Variants in PIP5K1B observed in about 807,000 individuals in gnomAD.
PIP5K1B encodes phosphatidylinositol 4-phosphate 5-kinase type-1 beta.
In PIP5K1B, 42 loss-of-function variants were observed where a neutral mutation model predicts 67.0. The ratio of observed to expected loss-of-function variants is 0.63; its 90% CI spans 0.49 to 0.81. PIP5K1B has a LOEUF of 0.81. Ranked by LOEUF, PIP5K1B falls within the 30% of genes least tolerant of loss-of-function variation. The probability of loss-of-function intolerance (pLI) is 0.00; values close to 1 mark genes in which losing one functional copy is unlikely to be tolerated. For missense variants in PIP5K1B, 459 were observed against 646.3 expected (o/e 0.71, Z 3.14); for synonymous variants, 214 against 231.4 (o/e 0.92, Z 0.68).
chr9:68,778,525 A>G (rs976339049), intron 2 of PIP5K1B, among the ~76,000 whole-genome samples: 1 of 152,126 alleles, frequency 6.6e-6, no homozygotes, highest in Admixed American at 6.5e-5. Context: ...TGCAAATCCT[A>G]TTTGTTCTAA....
intron 2 of PIP5K1B, among the ~76,000 whole-genome samples, chr9:68,812,851 TTCTTG>T (rs1433060064): frequency 6.6e-6 from 1 of 152,248 alleles, no homozygotes; most frequent in African/African-American, 2.4e-5. Flanking sequence ...ACGTATTTAC[TTCTTG>T]TCAGTTTCTC....
intron 2 of PIP5K1B, among the ~76,000 whole-genome samples, chr9:68,811,925 C>T (rs551394163): frequency 1.3e-5 from 2 of 152,196 alleles, no homozygotes; most frequent in African/African-American, 2.4e-5. Flanking sequence ...AGGTCTACCA[C>T]GCAGAGGTAG....
intron 2 of PIP5K1B, among the ~76,000 whole-genome samples, chr9:68,809,501 G>A (rs1216850243): frequency 6.6e-6 from 1 of 152,030 alleles, no homozygotes; most frequent in Non-Finnish European, 1.5e-5. Flanking sequence ...AATTTAAGAG[G>A]GACTTACGAT....
intron 1 of PIP5K1B, among the ~76,000 whole-genome samples, chr9:68,710,357 C>A (rs1827327033): frequency 1.3e-5 from 2 of 152,192 alleles, no homozygotes; most frequent in African/African-American, 2.4e-5. Flanking sequence ...TGGGAGGAAA[C>A]CTAGGCTTCT....
At chr9:68,724,444 T>C (rs1828056078) in intron 1 of PIP5K1B, among the ~76,000 whole-genome samples, 2 of 152,170 alleles carry the variant, frequency 1.3e-5, no homozygotes, top group South Asian at 4.1e-4. Flanking sequence ...ATTGCTATTT[T>C]GGTAGAGATT....
At chr9:68,862,796 A>T (rs1823159022) in intron 4 of PIP5K1B, among the ~76,000 whole-genome samples, 1 of 134,444 alleles carries the variant, frequency 7.4e-6, no homozygotes, top group Non-Finnish European at 1.6e-5. Flanking sequence ...TGTCTCAAAA[A>T]AAAATAAAAA....
intron 2 of PIP5K1B, among the ~76,000 whole-genome samples, chr9:68,745,138 T>C (rs901521525): frequency 6.6e-6 from 1 of 152,198 alleles, no homozygotes. Flanking sequence ...AAGGTCACAG[T>C]GCCTTCCACA....
chr9:69,007,867 A>AAT lies in PIP5K1B; in HGVS notation c.1621-579_1621-578insTA, dbSNP rs548247114. On this transcript the variant is annotated intron_variant, in intron 15 of 15. Transcript: ENST00000265382. ...GTGAGACTCCATCTAAAAAAAAAAA[A>AAT]AATAGGAAATCAGATGATTTGACCC... Among the ~76,000 whole-genome samples, 39 of 152,222 alleles carry AAT rather than the reference A, an allele frequency of 2.6e-4. No homozygotes were observed. The South Asian group carries it at 7.9e-3, about 31-fold the overall frequency.
rs547088873 is a variant in PIP5K1B, at chr9:68,740,884, T to A, written c.-242-1617T>A. Reference sequence around the variant, plus strand: ...GCTAGTTATCCCCGAGTTGGAAGACTTCAGGCTCAGAAGCCACTTGGTGTG... The same window carrying A: ...GCTAGTTATCCCCGAGTTGGAAGACATCAGGCTCAGAAGCCACTTGGTGTG... On this transcript the variant is annotated intron_variant, in intron 1 of 15. Coordinates refer to ENST00000265382, the MANE Select transcript of PIP5K1B (RefSeq NM_003558.4). 3.3e-5 allele frequency among the ~76,000 whole-genome samples: 5 copies of A among 152,332 alleles called. No homozygotes were observed. In the South Asian group the frequency reaches 1.0e-3, roughly 32 times the overall value.
chr9:68,780,082 G>GTATCATTAAAAAA, intron 2 of PIP5K1B: 1 of 1,334,336 alleles, frequency 7.5e-7, no homozygotes, highest in Admixed American at 3.3e-5. Context: ...CGGTGGCGGC[G>GTATCATTAAAAAA]GCAGCGGCGG....
chr9:68,726,518 G>A (rs934465518), intron 1 of PIP5K1B, among the ~76,000 whole-genome samples: 8 of 152,302 alleles, frequency 5.3e-5, no homozygotes, highest in South Asian at 4.1e-4. Context: ...TACAGGTGCC[G>A]TTTCTCAGTT....
At chr9:68,925,794 A>AGTTTTTTTTT (rs1564240114) in intron 12 of PIP5K1B, among the ~76,000 whole-genome samples, 5 of 12,012 alleles carry the variant, frequency 4.2e-4, no homozygotes, top group South Asian at 7.9e-3. Context: ...TTGTGGTTCC[A>AGTTTTTTTTT]ATTTTTTTTT....
chr9:68,731,393 T>C (rs1186526468), intron 1 of PIP5K1B, among the ~76,000 whole-genome samples: 1 of 152,254 alleles, frequency 6.6e-6, no homozygotes, highest in African/African-American at 2.4e-5. Context: ...GAAATGAGGC[T>C]GATGTTGACC....
intron 2 of PIP5K1B, among the ~76,000 whole-genome samples, chr9:68,758,499 GA>G (rs1435804543): frequency 6.6e-6 from 1 of 152,102 alleles, no homozygotes; most frequent in Non-Finnish European, 1.5e-5. Flanking sequence ...CTCAATAACT[GA>G]ACAGAGGTGA....
chr9:69,007,914 T>G (rs1831165122), intron 15 of PIP5K1B, among the ~76,000 whole-genome samples: 1 of 152,090 alleles, frequency 6.6e-6, no homozygotes, highest in African/African-American at 2.4e-5. Context: ...CTCTAAAGGC[T>G]GAATATAATA....
At chr9:68,791,116 G>A (rs1406771359) in intron 2 of PIP5K1B, among the ~76,000 whole-genome samples, 1 of 152,176 alleles carries the variant, frequency 6.6e-6, no homozygotes, top group Non-Finnish European at 1.5e-5. Context: ...ACCTCTTAAG[G>A]CTTGGCTAGC....
At chr9:68,788,770 C>T in intron 2 of PIP5K1B, 1 of 259,694 alleles carries the variant, frequency 3.9e-6, no homozygotes, top group South Asian at 5.2e-5. Context: ...TTCCCCATTG[C>T]CTGCTTGGGT....
At chr9:68,980,307 G>A (rs543373044) in intron 14 of PIP5K1B, among the ~76,000 whole-genome samples, 3 of 152,360 alleles carry the variant, frequency 2.0e-5, no homozygotes, top group South Asian at 4.1e-4. Flanking sequence ...TAAGCAGAGT[G>A]TGGCTCTGGT....
intron 14 of PIP5K1B, among the ~76,000 whole-genome samples, chr9:68,955,679 G>C (rs1480345326): frequency 1.3e-5 from 2 of 152,170 alleles, no homozygotes. Flanking sequence ...CTGGCCTCGG[G>C]TTAAAATAAT....
Sources: gnomAD v4.1 joint callset for allele counts (sites outside exome capture counted in the v4.1 genomes callset) on GRCh38, gnomAD v4.1.1 for gene constraint, MANE v1.5 for transcripts, NCBI Gene and HGNC (gene_info 2026-07-23, HGNC 2026-07-21) for gene names.